CDH4: variants seen among roughly 807,000 people sequenced by gnomAD.
CDH4 encodes cadherin-4.
A neutral mutation model predicts 86.0 loss-of-function variants in CDH4; 33 were observed. The ratio of observed to expected loss-of-function variants is 0.38; its 90% CI spans 0.29 to 0.51. CDH4 has a LOEUF of 0.51. CDH4 is among the 20% of genes least tolerant of loss of function. The probability of loss-of-function intolerance (pLI) is 0.86; values close to 1 mark genes in which losing one functional copy is unlikely to be tolerated. For synonymous variants in CDH4, 555 were observed against 549.4 expected (o/e 1.01, Z -0.14); for missense variants, 1,114 against 1,307.4 (o/e 0.85, Z 2.28).
intron 2 of CDH4, among the ~76,000 whole-genome samples, chr20:61,487,505 G>A (rs1178576764): frequency 6.6e-6 from 1 of 152,166 alleles, no homozygotes; most frequent in Non-Finnish European, 1.5e-5. Context: ...ATACATGAGA[G>A]GAGAATTTTA....
At chr20:61,808,168 G>C (rs142043679) in intron 4 of CDH4, among the ~76,000 whole-genome samples, 1 of 151,858 alleles carries the variant, frequency 6.6e-6, no homozygotes, top group South Asian at 2.1e-4. Context: ...GCCCAGAACC[G>C]TGGCTCTGGC....
At position 61,940,461 on chromosome 20, in the gene CDH4, A is replaced by C. The variant is rs2055250963; in HGVS notation, c.*3518A>C. 1 of 152,114 alleles carries C rather than the reference A, an allele frequency of 6.6e-6. No homozygotes were observed. The highest frequency in any genetic ancestry group is 6.5e-5 in the Admixed American group (1 of 15,274). 9.4% of individuals were successfully genotyped at this position (152,114 alleles called of 1,614,324 possible). A position where few individuals can be genotyped will look rare whatever the true frequency, so the allele number is the denominator to read the frequency against. The stretch of plus-strand genomic sequence containing the variant: ...GTTTGTATCATTTTGTACCAAAAAA[A>C]AAAAGGAAAAAAAAAGGGAAGAGAG... On this transcript the variant is annotated 3_prime_UTR_variant, in exon 16 of 16. Transcript: ENST00000614565.
At chr20:61,314,331 G>A (rs1005516183) in intron 2 of CDH4, among the ~76,000 whole-genome samples, 5 of 152,166 alleles carry the variant, frequency 3.3e-5, no homozygotes, top group African/African-American at 9.7e-5. Context: ...TGAGTTTGAC[G>A]TTTTTAGATT....
intron 4 of CDH4, among the ~76,000 whole-genome samples, chr20:61,838,172 C>A (rs1382075280): frequency 6.6e-6 from 1 of 152,098 alleles, no homozygotes; most frequent in Non-Finnish European, 1.5e-5. Context: ...CTGCCTGTCT[C>A]CCCTGCCCCT....
chr20:61,697,426 C>G (rs572127979), intron 2 of CDH4, among the ~76,000 whole-genome samples: 1 of 152,114 alleles, frequency 6.6e-6, no homozygotes. Context: ...GGTAAAACCC[C>G]GTCTCTACTA....
At chr20:61,775,623 A>C (rs1449194263) in intron 4 of CDH4, among the ~76,000 whole-genome samples, 4 of 152,138 alleles carry the variant, frequency 2.6e-5, no homozygotes, top group Non-Finnish European at 5.9e-5. Flanking sequence ...GACAACTGCC[A>C]ATCAGACACT....
intron 2 of CDH4, among the ~76,000 whole-genome samples, chr20:61,347,981 G>A (rs1043290586): frequency 5.3e-5 from 8 of 152,332 alleles, no homozygotes; most frequent in Non-Finnish European, 5.9e-5. Context: ...GGAAACCCAC[G>A]TGTGTATTAT....
chr20:61,372,393 C>T (rs556780771), intron 2 of CDH4, among the ~76,000 whole-genome samples: 4 of 152,356 alleles, frequency 2.6e-5, no homozygotes, highest in African/African-American at 7.2e-5. Flanking sequence ...CGCTTCGCCT[C>T]CTTCTCCGTG....
At chr20:61,803,260 C>T (rs1420262674) in intron 4 of CDH4, among the ~76,000 whole-genome samples, 1 of 152,208 alleles carries the variant, frequency 6.6e-6, no homozygotes, top group Non-Finnish European at 1.5e-5. Context: ...ACGCTCGGCA[C>T]AATCCGCCCG....
rs554665696 is a variant in CDH4 at position 61,418,044 on chromosome 20, CT to C, written c.169+163111del. ...AGCAGAAGTCTCACCTGCCTTTGCT[CT>C]TTTGCTGTTAAATGGCAAATGCTGA... On this transcript the variant is annotated intron_variant, in intron 2 of 15. Coordinates refer to ENST00000614565, the MANE Select transcript of CDH4 (RefSeq NM_001794.5). 6.6e-5 allele frequency among the ~76,000 whole-genome samples: 10 copies of C among 152,136 alleles called. 2 individuals carry two copies. In the South Asian group the frequency reaches 2.1e-3, roughly 32 times the overall value.
intron 2 of CDH4, among the ~76,000 whole-genome samples, chr20:61,429,755 G>GTGGATGGA (rs111226650): frequency 0.074 from 10,442 of 141,226 alleles, 660 homozygotes; most frequent in African/African-American, 0.15. Flanking sequence ...GGATAGGTGT[G>GTGGATGGA]TGGATGGATG....
intron 2 of CDH4, among the ~76,000 whole-genome samples, chr20:61,536,482 G>A (rs1568882608): frequency 6.6e-6 from 1 of 151,860 alleles, no homozygotes; most frequent in African/African-American, 2.4e-5. Context: ...GGAGGGAGGG[G>A]GAGGGAGAAA....
chr20:61,550,896 C>A (rs902857558), intron 2 of CDH4, among the ~76,000 whole-genome samples: 4 of 152,336 alleles, frequency 2.6e-5, no homozygotes, highest in African/African-American at 9.6e-5. Context: ...TGGCCAGATG[C>A]GCACAGGCCA....
chr20:61,536,611 A>G (rs1009661830), intron 2 of CDH4, among the ~76,000 whole-genome samples: 5 of 152,218 alleles, frequency 3.3e-5, no homozygotes, highest in South Asian at 2.1e-4. Context: ...ACAGGACTCT[A>G]TGATGCATTG....
intron 7 of CDH4, among the ~76,000 whole-genome samples, chr20:61,885,678 A>G (rs1195041954): frequency 6.6e-6 from 1 of 151,812 alleles, no homozygotes; most frequent in Non-Finnish European, 1.5e-5. Flanking sequence ...CCCCGTGGTG[A>G]CTCTTGACTT....
At chr20:61,747,168 G>C (rs114545596) in intron 3 of CDH4, among the ~76,000 whole-genome samples, 4 of 152,322 alleles carry the variant, frequency 2.6e-5, no homozygotes, top group Non-Finnish European at 5.9e-5. Flanking sequence ...GGGACCGGGC[G>C]CGGTGGCTCA....
intron 2 of CDH4, among the ~76,000 whole-genome samples, chr20:61,320,609 A>T (rs141846862): frequency 6.6e-6 from 1 of 151,912 alleles, no homozygotes; most frequent in East Asian, 1.9e-4. Flanking sequence ...TGGGGGTGCT[A>T]TTTGCATCTG....
At chr20:61,268,458 C>T (rs765021660) in intron 2 of CDH4, among the ~76,000 whole-genome samples, 4 of 152,220 alleles carry the variant, frequency 2.6e-5, no homozygotes, top group East Asian at 3.8e-4. Context: ...CTTGCATCAG[C>T]GAGAACTTGA....
At chr20:61,295,030 G>A (rs1600842343) in intron 2 of CDH4, among the ~76,000 whole-genome samples, 1 of 152,216 alleles carries the variant, frequency 6.6e-6, no homozygotes, top group East Asian at 1.9e-4. Context: ...TCTCTGTCTG[G>A]CCTTGCACCC....
Sources: allele counts gnomAD v4.1 joint callset (sites outside exome capture counted in the v4.1 genomes callset), GRCh38; gene constraint gnomAD v4.1.1; transcripts MANE v1.5; gene names NCBI Gene and HGNC (gene_info 2026-07-23, HGNC 2026-07-21).